Variants in PCDH15 observed in about 807,000 individuals in gnomAD.
PCDH15 encodes protocadherin-15.
PCDH15 carries 129 observed loss-of-function variants against 178.5 expected under a neutral mutation model. The observed-to-expected ratio is 0.72, with a 90% CI of 0.63 to 0.84. PCDH15 has a LOEUF of 0.84. Among genes scored for constraint, PCDH15 ranks in the 40% least tolerant of loss-of-function variants. The pLI is 0.00. For missense variants in PCDH15, 2,230 were observed against 2,099.9 expected, an observed-to-expected ratio of 1.06 and a Z score of -1.21; for synonymous variants, 800 against 732.0, an observed-to-expected ratio of 1.09 and a Z score of -1.50.
intron 2 of PCDH15, among the ~76,000 whole-genome samples, chr10:54,568,212 T>G (rs2089309860): frequency 6.6e-6 from 1 of 151,956 alleles, no homozygotes; most frequent in Non-Finnish European, 1.5e-5. Flanking sequence ...GCCTGTGAAT[T>G]TCCTTCTGCT....
At chr10:55,038,895 G>T (rs796669241) in intron 2 of PCDH15, among the ~76,000 whole-genome samples, 17 of 152,226 alleles carry the variant, frequency 1.1e-4, no homozygotes, top group African/African-American at 3.9e-4. Flanking sequence ...AATCAGGAAT[G>T]GGAATAAAAG....
chr10:54,197,153 A>G (rs1375007554), intron 10 of PCDH15, among the ~76,000 whole-genome samples: 2 of 152,126 alleles, frequency 1.3e-5, no homozygotes, highest in Admixed American at 6.5e-5. Context: ...TTAACTAGAA[A>G]TGTTTTTCAA....
At chr10:54,354,554 AG>A (rs1289361755) in intron 5 of PCDH15, among the ~76,000 whole-genome samples, 1 of 152,166 alleles carries the variant, frequency 6.6e-6, no homozygotes, top group Non-Finnish European at 1.5e-5. Context: ...ATTAAGTGCC[AG>A]TACTGCATAT....
intron 1 of PCDH15, among the ~76,000 whole-genome samples, chr10:55,199,203 G>C (rs1840174528): frequency 6.6e-6 from 1 of 152,102 alleles, no homozygotes; most frequent in Non-Finnish European, 1.5e-5. Context: ...TGCTGATAGT[G>C]ATATGGACAA....
intron 1 of PCDH15, among the ~76,000 whole-genome samples, chr10:55,178,768 T>C (rs562235459): frequency 6.6e-6 from 1 of 152,288 alleles, no homozygotes; most frequent in South Asian, 2.1e-4. Context: ...TTTATAGTCC[T>C]GCCTATGATT....
chr10:55,392,044 C>A (rs911446041), intron 2 of PCDH15, among the ~76,000 whole-genome samples: 6 of 152,102 alleles, frequency 3.9e-5, no homozygotes, highest in Non-Finnish European at 8.8e-5. Context: ...AATTAAGAGA[C>A]CTCGGGAAAG....
intron 1 of PCDH15, among the ~76,000 whole-genome samples, chr10:54,736,475 T>A (rs763540483): frequency 3.3e-5 from 5 of 151,976 alleles, no homozygotes; most frequent in Non-Finnish European, 7.4e-5. Context: ...GCTATGACCA[T>A]CACCAGCATT....
chr10:54,915,649 T>TA (rs1336966299), intron 2 of PCDH15, among the ~76,000 whole-genome samples: 3 of 152,146 alleles, frequency 2.0e-5, no homozygotes, highest in African/African-American at 7.2e-5. Flanking sequence ...CATGTGTAAT[T>TA]TGAATAAGTT....
chr10:53,843,806 T>C (rs2077807932), intron 28 of PCDH15, among the ~76,000 whole-genome samples: 1 of 152,094 alleles, frequency 6.6e-6, no homozygotes, highest in Non-Finnish European at 1.5e-5. Flanking sequence ...AAGTGTTAAG[T>C]AGGAAAATTT....
chr10:54,561,163 T>A (rs1346455207), intron 2 of PCDH15, among the ~76,000 whole-genome samples: 1 of 152,140 alleles, frequency 6.6e-6, no homozygotes. Context: ...AATTTCAACA[T>A]GCCTGTTACG....
intron 2 of PCDH15, among the ~76,000 whole-genome samples, chr10:54,961,708 C>T (rs1009034336): frequency 2.0e-5 from 3 of 152,216 alleles, no homozygotes; most frequent in Non-Finnish European, 4.4e-5. Context: ...AAGCTACCCA[C>T]TTTGGGTCTC....
intron 18 of PCDH15, among the ~76,000 whole-genome samples, chr10:54,054,435 T>C (rs1426090236): frequency 1.3e-5 from 2 of 152,066 alleles, no homozygotes; most frequent in East Asian, 1.9e-4. Flanking sequence ...AGAGATCCTA[T>C]AGCAATAGAG....
chr10:54,132,229 G>A (rs750800780), intron 15 of PCDH15, among the ~76,000 whole-genome samples: 1 of 152,188 alleles, frequency 6.6e-6, no homozygotes, highest in Non-Finnish European at 1.5e-5. Context: ...TTCAGTCAAA[G>A]ATAGAGCTTT....
intron 6 of PCDH15, 38 bp downstream of exon 6, chr10:54,346,327 T>C: frequency 6.3e-7 from 1 of 1,595,882 alleles, no homozygotes; most frequent in Non-Finnish European, 8.6e-7. Flanking sequence ...ATTTTATTCC[T>C]TTTAAGAAAA....
intron 2 of PCDH15, among the ~76,000 whole-genome samples, chr10:55,492,178 A>G (rs1840432740): frequency 6.6e-6 from 1 of 151,712 alleles, no homozygotes; most frequent in South Asian, 2.1e-4. Flanking sequence ...AATTTTCACA[A>G]GGGAATCTAT....
chr10:54,296,934 AG>A (rs773911688), intron 8 of PCDH15, among the ~76,000 whole-genome samples: 3 of 152,206 alleles, frequency 2.0e-5, no homozygotes, highest in Non-Finnish European at 4.4e-5. Context: ...GGACTCTAAC[AG>A]GTTTTCTAGA....
chr10:55,590,401 A>C (rs1414582127), intron 2 of PCDH15, among the ~76,000 whole-genome samples: 1 of 151,888 alleles, frequency 6.6e-6, no homozygotes, highest in African/African-American at 2.4e-5. Context: ...AGCATGGCAC[A>C]TGTATACATA....
rs536259992 is a variant in PCDH15 at position 53,996,783 on chromosome 10, A to T, written c.2752-1018T>A. On this transcript the variant is annotated intron_variant, in intron 20 of 37. Coordinates refer to ENST00000644397, the MANE Select transcript of PCDH15 (RefSeq NM_001384140.1). Reference sequence around the variant, plus strand: ...TATTTATAATATTTTAATAATCCTTACCCTACCGTGTTTTGGGTAGTGTGG... The same window carrying T: ...TATTTATAATATTTTAATAATCCTTTCCCTACCGTGTTTTGGGTAGTGTGG... Among the ~76,000 whole-genome samples the T allele has an allele frequency of 9.6e-4, 146 of 152,230 alleles. 1 individual carries two copies. Among genetic ancestry groups the T allele is most frequent in the Middle Eastern group, 3.4e-3 (1 of 294 alleles).
intron 3 of PCDH15, among the ~76,000 whole-genome samples, chr10:54,428,607 C>A (rs1956580105): frequency 6.6e-6 from 1 of 152,124 alleles, no homozygotes; most frequent in South Asian, 2.1e-4. Context: ...AACAAGTATT[C>A]ATCTCAGAGC....
Sources: allele counts gnomAD v4.1 joint callset (sites outside exome capture counted in the v4.1 genomes callset), GRCh38; gene constraint gnomAD v4.1.1; transcripts MANE v1.5; gene names NCBI Gene and HGNC (gene_info 2026-07-23, HGNC 2026-07-21).